The following ATF6 variants were observed in gnomAD, a reference collection of about 807,000 sequenced individuals.
The protein encoded by ATF6 is cyclic AMP-dependent transcription factor ATF-6 alpha.
A neutral mutation model predicts 83.6 loss-of-function variants in ATF6; 53 were observed. The ratio of observed to expected loss-of-function variants is 0.63; its 90% CI spans 0.51 to 0.80. ATF6 has a LOEUF of 0.80. Among genes scored for constraint, ATF6 ranks in the 30% least tolerant of loss-of-function variants. The pLI, the probability that ATF6 is intolerant of heterozygous loss-of-function variation, is 0.00. For missense variants in ATF6, 744 were observed against 797.9 expected (o/e 0.93, Z 0.81); for synonymous variants, 288 against 285.8 (o/e 1.01, Z -0.08).
chr1:161,948,218 T>G (rs1227571666), intron 15 of ATF6, among the ~76,000 whole-genome samples: 2 of 152,220 alleles, frequency 1.3e-5, no homozygotes, highest in Non-Finnish European at 2.9e-5. Flanking sequence ...AGTTGTTCAA[T>G]CATGAATCCT....
chr1:161,885,812 A>G (rs1461473851), intron 14 of ATF6, among the ~76,000 whole-genome samples: 1 of 152,184 alleles, frequency 6.6e-6, no homozygotes, highest in African/African-American at 2.4e-5. Context: ...CAAGGAATTT[A>G]TTATTGTAGA....
intron 7 of ATF6, among the ~76,000 whole-genome samples, chr1:161,809,135 G>C (rs1478246774): frequency 6.6e-6 from 1 of 152,146 alleles, no homozygotes; most frequent in Non-Finnish European, 1.5e-5. Context: ...ATGTTGGTGT[G>C]TTGCACCCAT....
Position 161,846,485 on chromosome 1 carries a change from T to C in ATF6, c.1224T>C (p.Ser408=). Residue 408 remains serine, a synonymous_variant, in exon 10 of 16, where the codon AGT becomes AGC. Coordinates refer to ENST00000367942, the MANE Select transcript of ATF6 (RefSeq NM_007348.4). ...AGGATTCCAGGAGAATGAACCCTAG[T>C]GTGAGCCCTGCAAATCAAAGGAGGC... ...LEQDSRRMNP[S]VSPANQRRHL... 1 of 1,611,156 alleles carries C rather than the reference T, an allele frequency of 6.2e-7. No individual in the cohort carries two copies. Among genetic ancestry groups the C allele is most frequent in the South Asian group, 1.1e-5 (1 of 90,922 alleles).
intron 6 of ATF6, among the ~76,000 whole-genome samples, chr1:161,792,599 C>A: frequency 6.6e-6 from 1 of 152,088 alleles, no homozygotes; most frequent in East Asian, 1.9e-4. Flanking sequence ...AATACAGGAA[C>A]ACAAATTTTA....
At chr1:161,950,612 C>T (rs1051712121) in intron 15 of ATF6, among the ~76,000 whole-genome samples, 1 of 152,162 alleles carries the variant, frequency 6.6e-6, no homozygotes, top group African/African-American at 2.4e-5. Context: ...GGCCATTCCT[C>T]ATGTTGGCTG....
intron 15 of ATF6, among the ~76,000 whole-genome samples, chr1:161,935,789 C>G (rs998124080): frequency 6.6e-6 from 1 of 152,140 alleles, no homozygotes; most frequent in Admixed American, 6.5e-5. Flanking sequence ...TATAATAGGT[C>G]CAGCATATGA....
At chr1:161,914,386 C>A (rs997594421) in intron 15 of ATF6, among the ~76,000 whole-genome samples, 12 of 152,154 alleles carry the variant, frequency 7.9e-5, no homozygotes, top group African/African-American at 2.9e-4. Context: ...CACTTTACTC[C>A]TCTAACCCTT....
chr1:161,821,198 A>G (rs917995918), intron 9 of ATF6, 37 bp downstream of exon 9: 6 of 1,370,332 alleles, frequency 4.4e-6, no homozygotes, highest in South Asian at 1.3e-5. Flanking sequence ...CACTAATGCT[A>G]AAAACTTAAA....
chr1:161,919,033 G>A (rs922727397), intron 15 of ATF6, among the ~76,000 whole-genome samples: 12 of 152,086 alleles, frequency 7.9e-5, no homozygotes, highest in African/African-American at 2.9e-4. Flanking sequence ...GTAGGATATG[G>A]GTGTGAAATT....
At chr1:161,930,746 A>T (rs1226517405) in intron 15 of ATF6, among the ~76,000 whole-genome samples, 1 of 152,244 alleles carries the variant, frequency 6.6e-6, no homozygotes, top group Non-Finnish European at 1.5e-5. Flanking sequence ...TCAGAAAAAT[A>T]AAAATTACAC....
At position 161,833,197 on chromosome 1, in the gene ATF6, G is replaced by A. The variant is rs538560756; in HGVS notation, c.1187+12036G>A. Among the ~76,000 whole-genome samples, 5 of 152,308 alleles carry A rather than the reference G, an allele frequency of 3.3e-5. No individual in the cohort carries two copies. The South Asian group carries it at 1.0e-3, about 32-fold the overall frequency. On this transcript the variant is annotated intron_variant, in intron 9 of 15. Coordinates refer to ENST00000367942, the MANE Select transcript of ATF6 (RefSeq NM_007348.4). ...CAACAGACCTGAAGCTGAGGGTCCT[G>A]ACTGTTAGAAGGAAAACTAACAAAC...
At chr1:161,802,614 T>G (rs866749222) in intron 7 of ATF6, among the ~76,000 whole-genome samples, 67 of 152,322 alleles carry the variant, frequency 4.4e-4, no homozygotes, top group African/African-American at 1.5e-3. Context: ...TTTTACAGAT[T>G]CAACGTTTCC....
chr1:161,814,795 T>A (rs1013840618), intron 7 of ATF6, among the ~76,000 whole-genome samples: 1 of 152,186 alleles, frequency 6.6e-6, no homozygotes, highest in Non-Finnish European at 1.5e-5. Context: ...TCAAATTAAG[T>A]TTTTTAATGT....
intron 15 of ATF6, among the ~76,000 whole-genome samples, chr1:161,934,049 T>TACA (rs1421693174): frequency 6.6e-6 from 1 of 152,222 alleles, no homozygotes; most frequent in East Asian, 1.9e-4. Flanking sequence ...CATGACAGTG[T>TACA]ACAAGATAAC....
intron 1 of ATF6, among the ~76,000 whole-genome samples, chr1:161,769,037 T>C (rs6666798): frequency 0.013 from 1,981 of 152,248 alleles, 49 homozygotes; most frequent in African/African-American, 0.044. Context: ...GGTAATGAAA[T>C]TTAGAGCAAG....
At chr1:161,863,768 A>G (rs1163217027) in intron 14 of ATF6, among the ~76,000 whole-genome samples, 1 of 152,202 alleles carries the variant, frequency 6.6e-6, no homozygotes, top group Non-Finnish European at 1.5e-5. Flanking sequence ...GTTCCTAAGA[A>G]TCTCTATTCC....
intron 7 of ATF6, among the ~76,000 whole-genome samples, chr1:161,803,699 A>G (rs1685210878): frequency 6.6e-6 from 1 of 152,192 alleles, no homozygotes; most frequent in Non-Finnish European, 1.5e-5. Context: ...AAAAATGACA[A>G]TAACAAAAAT....
At chr1:161,797,148 T>C (rs1685040580) in intron 6 of ATF6, among the ~76,000 whole-genome samples, 1 of 152,184 alleles carries the variant, frequency 6.6e-6, no homozygotes, top group Non-Finnish European at 1.5e-5. Flanking sequence ...CAAAACAAAT[T>C]AGGCATCAAA....
In ATF6 at chr1:161,851,738, T is replaced by A. The variant is rs758076232; in HGVS notation, c.1336T>A (p.Ser446Thr). Residue 446 changes from serine to threonine, a missense_variant, in exon 11 of 16, where the codon TCA (serine) becomes ACA (threonine). Coordinates refer to ENST00000367942, the MANE Select transcript of ATF6 (RefSeq NM_007348.4). ...ATGTTTCAGATATGATCATTCTGTT[T>A]CAAATGACAAAGCCCTGATGGTGCT... ...KNSYRYDHSV[S>T]NDKALMVLTE... 20 of 1,613,236 alleles carry A rather than the reference T, an allele frequency of 1.2e-5. No homozygotes were observed. In the South Asian group the frequency reaches 2.2e-4, roughly 18 times the overall value.
Sources: allele counts gnomAD v4.1 joint callset (sites outside exome capture counted in the v4.1 genomes callset), GRCh38; gene constraint gnomAD v4.1.1; transcripts MANE v1.5; gene names NCBI Gene and HGNC (gene_info 2026-07-23, HGNC 2026-07-21).